Variants in CDC20B observed in about 807,000 individuals in gnomAD.
The protein encoded by CDC20B is cell division cycle protein 20 homolog B.
In CDC20B, 58 loss-of-function variants were observed where a neutral mutation model predicts 64.1. That is an observed-to-expected ratio of 0.90 (90% CI 0.73 to 1.13). The LOEUF (loss-of-function observed/expected upper bound fraction) is 1.13. Ranked by LOEUF, CDC20B falls within the 50% of genes most tolerant of loss-of-function variation. The pLI, the probability that CDC20B is intolerant of heterozygous loss-of-function variation, is 0.00. For missense variants in CDC20B, 597 were observed against 633.0 expected (o/e 0.94, Z 0.61); for synonymous variants, 243 against 230.6 (o/e 1.05, Z -0.49).
At chr5:55,117,616 C>T (rs1169672300) in intron 11 of CDC20B, among the ~76,000 whole-genome samples, 1 of 152,126 alleles carries the variant, frequency 6.6e-6, no homozygotes. Context: ...AATGGAAACA[C>T]AGCCTCACAA....
intron 3 of CDC20B, among the ~76,000 whole-genome samples, chr5:55,144,665 T>C (rs1743422607): frequency 6.6e-6 from 1 of 152,236 alleles, no homozygotes; most frequent in South Asian, 2.1e-4. Context: ...TTTCTTGTGC[T>C]ATTTGTAAAA....
At chr5:55,140,529 T>C (rs1743302211) in intron 4 of CDC20B, 122 bp from the exon 5 acceptor site, 1 of 596,544 alleles carries the variant, frequency 1.7e-6, no homozygotes. Context: ...TTCCACATTG[T>C]CAAAGCCAAC....
At chr5:55,127,051 C>T (rs1177951578) in intron 8 of CDC20B, among the ~76,000 whole-genome samples, 3 of 152,180 alleles carry the variant, frequency 2.0e-5, no homozygotes, top group African/African-American at 4.8e-5. Flanking sequence ...GCAGAAGGCA[C>T]ACATGATACA....
At chr5:55,141,172 A>C (rs1049092247) in intron 4 of CDC20B, among the ~76,000 whole-genome samples, 1 of 152,198 alleles carries the variant, frequency 6.6e-6, no homozygotes, top group Admixed American at 6.5e-5. Context: ...AGCAGCTCTC[A>C]TCAACAGCTT....
intron 5 of CDC20B, chr5:55,137,409 C>A (rs920776726): frequency 2.1e-5 from 8 of 384,156 alleles, no homozygotes; most frequent in Non-Finnish European, 3.7e-5. Context: ...TAGATATGGA[C>A]AAGGCATAAA....
At chr5:55,119,295 G>C (rs2111796071) in intron 11 of CDC20B, among the ~76,000 whole-genome samples, 1 of 152,170 alleles carries the variant, frequency 6.6e-6, no homozygotes, top group South Asian at 2.1e-4. Flanking sequence ...ACAGGGCCTG[G>C]GTCTTGCTCC....
chr5:55,143,482 T>A (rs753494760), intron 4 of CDC20B, 31 bp downstream of exon 4: 38 of 1,554,112 alleles, frequency 2.4e-5, no homozygotes, highest in South Asian at 4.9e-5. Context: ...TCTCTAGATG[T>A]GGGATCTTCA....
intron 9 of CDC20B, 110 bp from the exon 10 acceptor site, chr5:55,120,660 C>T (rs920746373): frequency 1.5e-6 from 2 of 1,297,000 alleles, no homozygotes; most frequent in East Asian, 2.5e-5. Flanking sequence ...CCTGTCACAG[C>T]TCTCCTGGGC....
At chr5:55,128,722 G>C in intron 6 of CDC20B, 105 bp from the exon 7 acceptor site, 1 of 769,886 alleles carries the variant, frequency 1.3e-6, no homozygotes, top group Non-Finnish European at 1.9e-6. Flanking sequence ...CCATCCCCAT[G>C]GTTAGCTGGA....
chr5:55,134,242 A>G (rs1208280639), intron 5 of CDC20B, among the ~76,000 whole-genome samples: 2 of 152,294 alleles, frequency 1.3e-5, no homozygotes, highest in African/African-American at 4.8e-5. Flanking sequence ...AACCAAGACC[A>G]CCCAGGTGAC....
Position 55,119,674 on chromosome 5 carries a change from T to C in CDC20B, c.1459+127A>G, listed in dbSNP as rs573798187. 39 of 633,212 alleles carry C rather than the reference T, an allele frequency of 6.2e-5. No individual in the cohort carries two copies. In the African/African-American group the frequency reaches 6.2e-4, roughly 10 times the overall value. The allele number at this position is 633,212 out of a possible 1,614,324, so 39.2% of individuals were successfully genotyped here. On this transcript the variant is annotated intron_variant, in intron 11 of 11. Coordinates refer to ENST00000381375, the MANE Select transcript of CDC20B (RefSeq NM_001170402.1). ...CTCTGAGGTAGGGTGGATGTAGGAC[T>C]TTTTCCTCTGATGAAATGTGTACTT...
intron 2 of CDC20B, chr5:55,165,456 T>C (rs1744331151): frequency 1.3e-5 from 2 of 152,248 alleles, no homozygotes; most frequent in African/African-American, 4.8e-5. Flanking sequence ...CCAATTTAAG[T>C]AGTCTGTGAC....
At chr5:55,128,924 G>A (rs16883856) in intron 6 of CDC20B, among the ~76,000 whole-genome samples, 4,765 of 152,158 alleles carry the variant, frequency 0.031, 271 homozygotes, top group African/African-American at 0.11. Flanking sequence ...TTCGTTTAAC[G>A]GATCAGTAAA....
In CDC20B at chr5:55,124,865, C is replaced by T. The variant is rs753242954; in HGVS notation, c.1153G>A (p.Asp385Asn). 5.0e-6 allele frequency: 8 copies of T among 1,614,044 alleles called. No individual in the cohort carries two copies. Among genetic ancestry groups the T allele is most frequent in the African/African-American group, 1.3e-5 (1 of 74,916 alleles). Residue 385 changes from aspartate to asparagine, a missense_variant, in exon 9 of 12, where the codon GAT becomes AAT. Around this residue, in one of 3 missense-constraint regions of CDC20B, gnomAD observed 353 missense variants for 397.0 expected, o/e 0.89. Coordinates refer to ENST00000381375, the MANE Select transcript of CDC20B (RefSeq NM_001170402.1). ...TGGCCCTGTGCACTGGCACCTGGATCGTGGGGCCATATTGTCAGCAGTCCA... is the reference window on the plus strand; with the variant it reads ...TGGCCCTGTGCACTGGCACCTGGATTGTGGGGCCATATTGTCAGCAGTCCA... ...SDGLLTIWPH[D>N]PGASAQGQPL...
chr5:55,126,465 T>TCAAAAAAAAAAAAAAAAAAAAAAAAAA (rs1742893650), intron 8 of CDC20B: 1 of 75,852 alleles, frequency 1.3e-5, no homozygotes, highest in Non-Finnish European at 2.2e-5. Flanking sequence ...AGATTCCATG[T>TCAAAAAAAAAAAAAAAAAAAAAAAAAA]CAAAAAAAAA....
chr5:55,165,973 G>C (rs959604878), intron 2 of CDC20B: 2 of 152,244 alleles, frequency 1.3e-5, no homozygotes, highest in Admixed American at 6.5e-5. Context: ...AAGCCTATCT[G>C]TCCTTTGCAA....
intron 2 of CDC20B, among the ~76,000 whole-genome samples, chr5:55,171,378 A>G (rs1744593815): frequency 6.6e-6 from 1 of 152,192 alleles, no homozygotes; most frequent in Admixed American, 6.5e-5. Context: ...TGATCCAAAG[A>G]CTACTTGTCT....
At chr5:55,164,375 CA>C (rs1744268572) in intron 2 of CDC20B, 1 of 424,118 alleles carries the variant, frequency 2.4e-6, no homozygotes, top group Admixed American at 4.3e-5. Flanking sequence ...CCTTTTTAAA[CA>C]TGCTATTAAA....
At chr5:55,172,821 T>G in intron 1 of CDC20B, 117 bp downstream of exon 1, 1 of 1,058,456 alleles carries the variant, frequency 9.4e-7, no homozygotes, top group Non-Finnish European at 1.3e-6. Flanking sequence ...ATCACTCAAA[T>G]TTACGACCAG....
Sources: allele counts gnomAD v4.1 joint callset (sites outside exome capture counted in the v4.1 genomes callset), GRCh38; gene constraint gnomAD v4.1.1; regional missense constraint gnomAD v4.1.1; transcripts MANE v1.5; gene names NCBI Gene and HGNC (gene_info 2026-07-23, HGNC 2026-07-21).